Variants in DGKB observed in about 807,000 individuals in gnomAD.
The protein encoded by DGKB is diacylglycerol kinase beta.
DGKB carries 67 observed loss-of-function variants against 114.3 expected under a neutral mutation model. The observed-to-expected ratio is 0.59, with a 90% CI of 0.48 to 0.72. The LOEUF (loss-of-function observed/expected upper bound fraction) is 0.72, where lower values mean the gene tolerates loss of function less well. Among genes scored for constraint, DGKB ranks in the 30% least tolerant of loss-of-function variants. DGKB has a pLI of 0.00. For missense variants in DGKB, 907 were observed against 975.2 expected (o/e 0.93, Z 0.93); for synonymous variants, 398 against 323.1 (o/e 1.23, Z -2.49).
rs1826399414 is a variant in DGKB at position 14,419,918 on chromosome 7, T to G, written c.1835+58243A>C. Among the ~76,000 whole-genome samples the G allele has an allele frequency of 2.0e-5, 3 of 152,046 alleles. No individual in the cohort carries two copies. In the South Asian group the frequency reaches 6.2e-4, roughly 32 times the overall value. ...ACAGATCAAAAAGCAAAATAGACAT[T>G]GTGTCTGGCTGGTATTTGGGACATG... On this transcript the variant is annotated intron_variant, in intron 21 of 25. Coordinates refer to ENST00000402815, the MANE Select transcript of DGKB (RefSeq NM_001350709.2).
chr7:14,710,163 C>T (rs1456533551), intron 6 of DGKB, among the ~76,000 whole-genome samples: 2 of 151,900 alleles, frequency 1.3e-5, no homozygotes, highest in Non-Finnish European at 2.9e-5. Flanking sequence ...ATATTATATT[C>T]TTCTTTATTT....
At chr7:14,966,492 G>C (rs975541932) in intron 1 of DGKB, among the ~76,000 whole-genome samples, 1 of 151,372 alleles carries the variant, frequency 6.6e-6, no homozygotes, top group Non-Finnish European at 1.5e-5. Flanking sequence ...ATAGAGACAG[G>C]GTCTCACCAT....
chr7:14,747,353 T>C (rs1465927487), intron 4 of DGKB, among the ~76,000 whole-genome samples: 2 of 134,708 alleles, frequency 1.5e-5, no homozygotes, highest in African/African-American at 6.9e-5. Flanking sequence ...CCACCATGCC[T>C]GGCTAATAGT....
intron 21 of DGKB, among the ~76,000 whole-genome samples, chr7:14,463,201 A>G (rs142860622): frequency 0.026 from 3,983 of 151,812 alleles, 153 homozygotes; most frequent in African/African-American, 0.087. Flanking sequence ...ATGAGAAGAC[A>G]TGGAAACAGG....
chr7:14,649,477 C>T (rs961506405), intron 13 of DGKB, among the ~76,000 whole-genome samples: 1 of 151,618 alleles, frequency 6.6e-6, no homozygotes, highest in Non-Finnish European at 1.5e-5. Context: ...GCCTGCCTTA[C>T]AAGAGCTCCT....
chr7:14,922,491 C>T (rs563354376), intron 1 of DGKB, among the ~76,000 whole-genome samples: 2 of 150,886 alleles, frequency 1.3e-5, no homozygotes, highest in South Asian at 2.1e-4. Context: ...TAGATAGTGC[C>T]GTCACTCAAA....
intron 1 of DGKB, among the ~76,000 whole-genome samples, chr7:14,875,926 G>T (rs1853214368): frequency 6.6e-6 from 1 of 152,140 alleles, no homozygotes; most frequent in African/African-American, 2.4e-5. Flanking sequence ...GGAGCCAAAA[G>T]ATTGGACACT....
At chr7:14,503,730 C>A (rs910877176) in intron 20 of DGKB, among the ~76,000 whole-genome samples, 8 of 152,084 alleles carry the variant, frequency 5.3e-5, no homozygotes, top group African/African-American at 1.9e-4. Context: ...GACTATACAA[C>A]AAAATGCTGC....
intron 13 of DGKB, among the ~76,000 whole-genome samples, chr7:14,650,508 G>C (rs559559581): frequency 1.6e-5 from 1 of 60,744 alleles, no homozygotes; most frequent in East Asian, 3.8e-4. Flanking sequence ...TGTGTAGAGG[G>C]AAATTTATAG....
chr7:14,960,469 C>T (rs1466606931), intron 1 of DGKB, among the ~76,000 whole-genome samples: 1 of 151,526 alleles, frequency 6.6e-6, no homozygotes, highest in Non-Finnish European at 1.5e-5. Context: ...CAAGATGGAC[C>T]TAAGAACTGT....
intron 17 of DGKB, among the ~76,000 whole-genome samples, chr7:14,605,604 A>G (rs1043793435): frequency 6.6e-6 from 1 of 151,794 alleles, no homozygotes; most frequent in Non-Finnish European, 1.5e-5. Flanking sequence ...CATTTTTTAA[A>G]CATGTTAAGA....
intron 23 of DGKB, among the ~76,000 whole-genome samples, chr7:14,235,092 G>C (rs1227645948): frequency 6.6e-6 from 1 of 151,986 alleles, no homozygotes; most frequent in Non-Finnish European, 1.5e-5. Flanking sequence ...GCCTTTCTCA[G>C]GTATTAGACC....
chr7:14,696,647 C>T (rs1461183474), intron 8 of DGKB, among the ~76,000 whole-genome samples: 6 of 151,064 alleles, frequency 4.0e-5, no homozygotes, highest in African/African-American at 1.5e-4. Flanking sequence ...GAGGAGAAAG[C>T]TGTTGTCGAT....
chr7:14,607,038 A>T (rs17168298), intron 17 of DGKB, among the ~76,000 whole-genome samples: 1 of 151,628 alleles, frequency 6.6e-6, no homozygotes, highest in Non-Finnish European at 1.5e-5. Context: ...GCATAAATGG[A>T]CTAACTAGCT....
intron 21 of DGKB, among the ~76,000 whole-genome samples, chr7:14,439,882 A>T (rs1583953275): frequency 6.6e-6 from 1 of 151,514 alleles, no homozygotes; most frequent in South Asian, 2.1e-4. Flanking sequence ...AAAAAAAAAA[A>T]AAGTAATGAA....
At chr7:14,950,777 C>T (rs973916369) in intron 1 of DGKB, among the ~76,000 whole-genome samples, 2 of 151,784 alleles carry the variant, frequency 1.3e-5, no homozygotes, top group Non-Finnish European at 2.9e-5. Context: ...CAAAACTAGA[C>T]AAAGATACCA....
intron 21 of DGKB, among the ~76,000 whole-genome samples, chr7:14,455,884 T>C (rs964518299): frequency 6.6e-6 from 1 of 152,036 alleles, no homozygotes; most frequent in Middle Eastern, 3.2e-3. Context: ...AATGAAAGCG[T>C]CTTCCTTTAA....
chr7:14,549,726 C>G (rs1046756954), intron 20 of DGKB, among the ~76,000 whole-genome samples: 2 of 152,134 alleles, frequency 1.3e-5, no homozygotes, highest in African/African-American at 4.8e-5. Flanking sequence ...TGGTGGCTCA[C>G]GCCTGTAATC....
intron 20 of DGKB, among the ~76,000 whole-genome samples, chr7:14,572,468 A>G (rs1043711689): frequency 5.3e-5 from 8 of 151,978 alleles, no homozygotes; most frequent in Non-Finnish European, 1.2e-4. Flanking sequence ...AAAGAAAAAA[A>G]AAAGAATAAA....
Sources: gnomAD v4.1 joint callset for allele counts (sites outside exome capture counted in the v4.1 genomes callset) on GRCh38, gnomAD v4.1.1 for gene constraint, MANE v1.5 for transcripts, NCBI Gene and HGNC (gene_info 2026-07-23, HGNC 2026-07-21) for gene names.